Variants in TPD52 observed in about 807,000 individuals in gnomAD.
The protein encoded by TPD52 is tumor protein D52.
In TPD52, 17 loss-of-function variants were observed where a neutral mutation model predicts 31.3. The observed-to-expected ratio is 0.54, with a 90% CI of 0.37 to 0.82. The LOEUF is 0.82. Among genes scored for constraint, TPD52 ranks in the 40% least tolerant of loss-of-function variants. TPD52 has a pLI of 0.00. For missense variants in TPD52, 212 were observed against 240.1 expected (o/e 0.88, Z 0.77); for synonymous variants, 83 against 89.6 (o/e 0.93, Z 0.42).
intron 1 of TPD52, among the ~76,000 whole-genome samples, chr8:80,108,060 G>A (rs1470048946): frequency 3.9e-5 from 6 of 152,204 alleles, no homozygotes; most frequent in African/African-American, 1.2e-4. Context: ...GATGGCGTGG[G>A]AGAAGGCATG....
At chr8:80,084,029 C>A (rs561874914) in intron 1 of TPD52, among the ~76,000 whole-genome samples, 4 of 152,334 alleles carry the variant, frequency 2.6e-5, no homozygotes, top group African/African-American at 9.6e-5. Flanking sequence ...GTACCACAGG[C>A]CTTCTAACCT....
chr8:80,115,754 C>A (rs1807820591), intron 1 of TPD52, among the ~76,000 whole-genome samples: 1 of 152,170 alleles, frequency 6.6e-6, no homozygotes, highest in African/African-American at 2.4e-5. Context: ...ATTTATATGG[C>A]AGTAATACCG....
chr8:80,086,275 C>T (rs1337522837), intron 1 of TPD52, among the ~76,000 whole-genome samples: 2 of 151,484 alleles, frequency 1.3e-5, no homozygotes, highest in Non-Finnish European at 2.9e-5. Context: ...CACACCACCA[C>T]GCCCAGCTAA....
At chr8:80,105,065 A>T (rs918510833) in intron 1 of TPD52, among the ~76,000 whole-genome samples, 1 of 152,180 alleles carries the variant, frequency 6.6e-6, no homozygotes, top group Admixed American at 6.5e-5. Context: ...TCTCAAAAAA[A>T]TAAAAAATAA....
At chr8:80,063,807 A>G (rs1205711637) in intron 2 of TPD52, among the ~76,000 whole-genome samples, 2 of 151,192 alleles carry the variant, frequency 1.3e-5, no homozygotes, top group South Asian at 4.2e-4. Flanking sequence ...GAAAAATAAA[A>G]TATAATAAAA....
At chr8:80,056,244 G>A (rs1563577379) in intron 2 of TPD52, among the ~76,000 whole-genome samples, 1 of 152,126 alleles carries the variant, frequency 6.6e-6, no homozygotes, top group African/African-American at 2.4e-5. Flanking sequence ...AGAACAATAC[G>A]TTAAGCAGAA....
At chr8:80,136,295 C>T (rs1470962057) in intron 1 of TPD52, among the ~76,000 whole-genome samples, 6 of 150,902 alleles carry the variant, frequency 4.0e-5, no homozygotes, top group Non-Finnish European at 8.9e-5. Flanking sequence ...GAAGCCGAGA[C>T]GGGTGGATCA....
At chr8:80,053,189 C>A in intron 3 of TPD52, 93 bp downstream of exon 3, 1 of 1,356,420 alleles carries the variant, frequency 7.4e-7, no homozygotes, top group Admixed American at 2.5e-5. Context: ...GCTGCTGAAG[C>A]ATCCTTATCC....
intron 3 of TPD52, chr8:80,051,976 A>T: frequency 4.9e-6 from 1 of 202,568 alleles, no homozygotes. Flanking sequence ...TTCTTTTCTC[A>T]CATAATCCAA....
At chr8:80,108,521 T>C (rs537774467) in intron 1 of TPD52, among the ~76,000 whole-genome samples, 20 of 152,340 alleles carry the variant, frequency 1.3e-4, no homozygotes, top group African/African-American at 4.6e-4. Context: ...GATTTTTCTC[T>C]AAAAGCATTT....
At chr8:80,114,865 G>A (rs74942084) in intron 1 of TPD52, among the ~76,000 whole-genome samples, 2,047 of 152,234 alleles carry the variant, frequency 0.013, 20 homozygotes, top group Middle Eastern at 0.02. Context: ...GGCGTGACAG[G>A]CTCCACTCCT....
rs937460829 is a variant in TPD52, at chr8:80,051,630, T to C, written c.285-2A>G. 9 of 1,586,490 alleles carry C rather than the reference T, an allele frequency of 5.7e-6. No individual in the cohort carries two copies. The Admixed American group carries it at 1.1e-4, about 20-fold the overall frequency. On this transcript the variant is annotated splice_acceptor_variant, in intron 3 of 7. Transcript: ENST00000518937. LOFTEE classifies it high-confidence loss of function. ...AAGGTTTCAGATGTCTTCTTGTAAC[T>C]ATATTAAATTATAAACACACAGAGC...
At chr8:80,042,716 A>G in intron 6 of TPD52, 48 bp from the exon 7 acceptor site, 4 of 1,534,648 alleles carry the variant, frequency 2.6e-6, no homozygotes, top group Non-Finnish European at 3.6e-6. Flanking sequence ...TACTGAAAAA[A>G]AATCCAACTA....
rs1329629849 is a variant in TPD52 at position 80,171,547 on chromosome 8, G to A, written c.-104C>T. The stretch of plus-strand genomic sequence containing the variant: ...CGCAGAGCTCCTCCTCGCCTCCGCC[G>A]GCGACTCCCGCGAAGTCCCCACCCC... On this transcript the variant is annotated 5_prime_UTR_variant, in exon 1 of 8. Coordinates refer to ENST00000518937, the MANE Select transcript of TPD52 (RefSeq NM_001025253.3). The A allele has an allele frequency of 2.9e-6, 4 of 1,369,608 alleles. No individual in the cohort carries two copies. Among genetic ancestry groups the A allele is most frequent in the Non-Finnish European group, 3.8e-6 (4 of 1,063,788 alleles). 84.8% of individuals were successfully genotyped at this position (1,369,608 alleles called of 1,614,324 possible). A position where few individuals can be genotyped will look rare whatever the true frequency, so the allele number is the denominator to read the frequency against.
chr8:80,156,953 G>C (rs1469740961), intron 1 of TPD52, among the ~76,000 whole-genome samples: 1 of 152,072 alleles, frequency 6.6e-6, no homozygotes, highest in Non-Finnish European at 1.5e-5. Context: ...CTGCAGGAAT[G>C]GGGGAATGGT....
At chr8:80,157,456 G>A (rs537702550) in intron 1 of TPD52, among the ~76,000 whole-genome samples, 3 of 152,162 alleles carry the variant, frequency 2.0e-5, no homozygotes. Context: ...AGGAGAGGCA[G>A]GCTTGGCCGA....
At chr8:80,130,589 T>A (rs1434066122) in intron 1 of TPD52, among the ~76,000 whole-genome samples, 1 of 152,154 alleles carries the variant, frequency 6.6e-6, no homozygotes, top group Admixed American at 6.5e-5. Context: ...GGATCTTAAA[T>A]TGAGATGGAC....
chr8:80,112,773 G>A (rs761292975), intron 1 of TPD52, among the ~76,000 whole-genome samples: 3 of 151,936 alleles, frequency 2.0e-5, no homozygotes, highest in Non-Finnish European at 4.4e-5. Context: ...AACAATATTC[G>A]ACCTGGCTTT....
intron 1 of TPD52, among the ~76,000 whole-genome samples, chr8:80,095,967 T>C (rs887980220): frequency 2.0e-5 from 3 of 151,484 alleles, no homozygotes; most frequent in Admixed American, 2.0e-4. Context: ...CATACATACA[T>C]ACTATCGGCC....
Sources: gnomAD v4.1 joint callset for allele counts (sites outside exome capture counted in the v4.1 genomes callset) on GRCh38, gnomAD v4.1.1 for gene constraint, MANE v1.5 for transcripts, NCBI Gene and HGNC (gene_info 2026-07-23, HGNC 2026-07-21) for gene names.